TNIP3: variants seen among roughly 807,000 people sequenced by gnomAD.
TNIP3 encodes TNFAIP3 interacting protein 3, also known as TNFAIP3-interacting protein 3.
A neutral mutation model predicts 54.1 loss-of-function variants in TNIP3; 34 were observed. That is an observed-to-expected ratio of 0.63 (90% CI 0.48 to 0.84). TNIP3 has a LOEUF of 0.84. TNIP3 is among the 40% of genes least tolerant of loss of function. The pLI is 0.00. For synonymous variants in TNIP3, 134 were observed against 136.8 expected, an observed-to-expected ratio of 0.98 and a Z score of 0.14; for missense variants, 366 against 387.6, an observed-to-expected ratio of 0.94 and a Z score of 0.47.
chr4:121,189,027 T>A (rs1725165881), intron 2 of TNIP3, among the ~76,000 whole-genome samples: 1 of 152,284 alleles, frequency 6.6e-6, no homozygotes, highest in Middle Eastern at 3.4e-3. Context: ...GTAGTGTAAA[T>A]TCTAGAGGAA....
intron 2 of TNIP3, among the ~76,000 whole-genome samples, chr4:121,195,121 T>C (rs1376114947): frequency 3.3e-5 from 5 of 152,086 alleles, no homozygotes; most frequent in African/African-American, 2.4e-5. Flanking sequence ...TAAGCCAAGA[T>C]TGTGCCACTT....
chr4:121,214,605 T>C (rs532724430), intron 2 of TNIP3, among the ~76,000 whole-genome samples: 2 of 152,290 alleles, frequency 1.3e-5, no homozygotes, highest in South Asian at 4.1e-4. Flanking sequence ...TCTTTTTCCC[T>C]TCCTTCTTTC....
chr4:121,136,815 A>C (rs1031598151), intron 10 of TNIP3: 4 of 146,930 alleles, frequency 2.7e-5, no homozygotes, highest in African/African-American at 1.0e-4. Context: ...TGATCACACC[A>C]GTGCACTACT....
intron 2 of TNIP3, among the ~76,000 whole-genome samples, chr4:121,204,160 A>C (rs1726052817): frequency 6.6e-6 from 1 of 152,108 alleles, no homozygotes. Context: ...AATAAATCTT[A>C]GGGCCCAAAA....
In TNIP3 at chr4:121,206,118, T is replaced by C. The variant is rs1029584869; in HGVS notation, c.68+10297A>G. 3.3e-5 allele frequency among the ~76,000 whole-genome samples: 5 copies of C among 152,146 alleles called. No homozygotes were observed. The East Asian group carries it at 5.8e-4, about 18-fold the overall frequency. On this transcript the variant is annotated intron_variant, in intron 2 of 12. Transcript: ENST00000507879. ...TCCCTCCCACAACACCTGGGAATTA[T>C]GGGAACTACAATTCAAGATGAGATT...
rs541995255 is a variant in TNIP3 at position 121,226,239 on chromosome 4, A to AAGAGAG, written c.3+1140_3+1145dup. Among the ~76,000 whole-genome samples, 1,064 of 150,132 alleles carry AAGAGAG rather than the reference A, an allele frequency of 7.1e-3. 11 individuals are homozygous for AAGAGAG. Among genetic ancestry groups the AAGAGAG allele is most frequent in the African/African-American group, 0.025 (1,033 of 41,068 alleles). ...GACAGAGGCAGAGGTACACATAGGAAAGAGAGAGAGAGAGAGCGACAGAGG... is the reference window on the plus strand; with the variant it reads ...GACAGAGGCAGAGGTACACATAGGAAAGAGAGAGAGAGAGAGAGAGAGCGACAGAGG... On this transcript the variant is annotated intron_variant, in intron 1 of 12. Transcript: ENST00000509841.
intron 5 of TNIP3, among the ~76,000 whole-genome samples, chr4:121,152,074 A>G (rs1265514324): frequency 6.6e-6 from 1 of 152,200 alleles, no homozygotes; most frequent in Non-Finnish European, 1.5e-5. Flanking sequence ...AATAGAGTAC[A>G]CATAATTGTG....
At chr4:121,178,909 T>C (rs1473952985) in intron 3 of TNIP3, among the ~76,000 whole-genome samples, 1 of 152,010 alleles carries the variant, frequency 6.6e-6, no homozygotes, top group African/African-American at 2.4e-5. Context: ...AGAAAACACA[T>C]AGATACATAA....
intron 7 of TNIP3, among the ~76,000 whole-genome samples, chr4:121,144,788 C>T (rs540280115): frequency 2.6e-5 from 4 of 152,192 alleles, no homozygotes; most frequent in South Asian, 2.1e-4. Context: ...GGCAGGTATA[C>T]TAAAAGAGGT....
upstream of TNIP3, among the ~76,000 whole-genome samples, chr4:121,165,893 C>A (rs1730740936): frequency 6.6e-6 from 1 of 152,150 alleles, no homozygotes; most frequent in Admixed American, 6.5e-5. Context: ...TTTATCAACA[C>A]TAAAATCTGC....
At chr4:121,163,967 A>G (rs1730611586) in intron 1 of TNIP3, 93 bp downstream of exon 1, 3 of 1,431,804 alleles carry the variant, frequency 2.1e-6, no homozygotes, top group South Asian at 1.5e-5. Context: ...CAAACTAGCC[A>G]TTTCTGTTCT....
intron 10 of TNIP3, among the ~76,000 whole-genome samples, chr4:121,135,989 T>G (rs1275637552): frequency 6.6e-6 from 1 of 152,200 alleles, no homozygotes; most frequent in Non-Finnish European, 1.5e-5. Context: ...GAGGAATTTT[T>G]TGGTGGTGCC....
intron 2 of TNIP3, chr4:121,182,835 G>A: frequency 6.5e-7 from 1 of 1,531,264 alleles, no homozygotes; most frequent in Non-Finnish European, 8.7e-7. Flanking sequence ...TTATACAAAG[G>A]TAATTAAAAA....
intron 1 of TNIP3, among the ~76,000 whole-genome samples, chr4:121,222,146 A>G (rs1727052595): frequency 6.6e-6 from 1 of 152,208 alleles, no homozygotes; most frequent in Non-Finnish European, 1.5e-5. Flanking sequence ...ATGTTGCTAT[A>G]TTGCTCTTGA....
rs1373271718 is a variant in TNIP3, at chr4:121,152,539, TTA to T, written c.492+2010_492+2011del. Among the ~76,000 whole-genome samples, 3 of 152,250 alleles carry T rather than the reference TTA, an allele frequency of 2.0e-5. No individual in the cohort carries two copies. The East Asian group carries it at 5.8e-4, about 29-fold the overall frequency. ...GGTCCAGAATTGTCTACCAAACATA[TTA>T]TATACTAGCTAATTAAATTCATCCA... is the stretch of plus-strand genomic sequence containing the variant. On this transcript the variant is annotated intron_variant, in intron 5 of 10. Transcript: ENST00000057513.
intron 2 of TNIP3, among the ~76,000 whole-genome samples, chr4:121,205,678 TA>T (rs2148843406): frequency 6.6e-6 from 1 of 152,228 alleles, no homozygotes; most frequent in East Asian, 1.9e-4. Flanking sequence ...ATTCTGGGCA[TA>T]ATTTGAATTT....
upstream of TNIP3, among the ~76,000 whole-genome samples, chr4:121,217,372 A>C (rs1726842591): frequency 6.6e-6 from 1 of 152,170 alleles, no homozygotes; most frequent in South Asian, 2.1e-4. Context: ...ACAACCAAAA[A>C]AAAAAGTTTG....
At chr4:121,225,135 A>G (rs1727203042) in intron 1 of TNIP3, among the ~76,000 whole-genome samples, 1 of 152,216 alleles carries the variant, frequency 6.6e-6, no homozygotes, top group African/African-American at 2.4e-5. Context: ...TGCAGAATTC[A>G]TACATGTCAG....
chr4:121,222,806 T>G (rs921423497), intron 1 of TNIP3, among the ~76,000 whole-genome samples: 1 of 82,124 alleles, frequency 1.2e-5, no homozygotes, highest in African/African-American at 4.7e-5. Context: ...TTTTGTGCGT[T>G]TTTTTTTTTT....
Sources: allele counts gnomAD v4.1 joint callset (sites outside exome capture counted in the v4.1 genomes callset), GRCh38; gene constraint gnomAD v4.1.1; transcripts MANE v1.5; gene names NCBI Gene and HGNC (gene_info 2026-07-23, HGNC 2026-07-21).